Variants in PDGFA observed in about 807,000 individuals in gnomAD.
PDGFA encodes the protein platelet-derived growth factor subunit A.
In PDGFA, 9 loss-of-function variants were observed where a neutral mutation model predicts 25.6. The ratio of observed to expected loss-of-function variants is 0.35; its 90% CI spans 0.21 to 0.61. PDGFA has a LOEUF of 0.61. PDGFA is among the 20% of genes least tolerant of loss of function. The pLI, the probability that PDGFA is intolerant of heterozygous loss-of-function variation, is 0.75. For synonymous variants in PDGFA, 133 were observed against 111.8 expected, an observed-to-expected ratio of 1.19 and a Z score of -1.20; for missense variants, 242 against 272.8, an observed-to-expected ratio of 0.89 and a Z score of 0.79.
rs996484122 is a variant in PDGFA at position 500,249 on chromosome 7, C to A, written c.580+867G>T. Reference sequence around the variant, plus strand: ...AGCGGGAGTGAGCCACGGGCCAGGGCGTTCTGCGAGGCAGGAGCGGACGGG... The same window carrying A: ...AGCGGGAGTGAGCCACGGGCCAGGGAGTTCTGCGAGGCAGGAGCGGACGGG... On this transcript the variant is annotated intron_variant, in intron 5 of 5. Coordinates refer to ENST00000402802, the Ensembl canonical transcript of PDGFA. This position sits in a 1 kb window ranked among gnomAD's most constrained non-coding sequence, Gnocchi z 5.0. Among the ~76,000 whole-genome samples the A allele has an allele frequency of 6.6e-6, 1 of 152,196 alleles. No individual in the cohort carries two copies. Among genetic ancestry groups the A allele is most frequent in the Admixed American group, 6.5e-5 (1 of 15,284 alleles).
Position 500,365 on chromosome 7 carries a change from T to C in PDGFA, c.580+751A>G. ...CGGCGAGACAGGAAGCGTGATTTGC[T>C]GGTGTGATCAGTCAGTTGCACCTCC... On this transcript the variant is annotated intron_variant, in intron 5 of 5. Coordinates refer to ENST00000402802, the Ensembl canonical transcript of PDGFA. This position sits in a 1 kb window ranked among gnomAD's most constrained non-coding sequence, Gnocchi z 5.0. 6.5e-7 allele frequency: 1 copy of C among 1,540,356 alleles called. No homozygotes were observed. The highest frequency in any genetic ancestry group is 1.1e-5 in the South Asian group (1 of 89,436).
At chr7:512,536 A>C in intron 2 of PDGFA, 81 bp from the exon 3 acceptor site, 1 of 1,601,350 alleles carries the variant, frequency 6.2e-7, no homozygotes, top group Non-Finnish European at 8.5e-7. Context: ...CTTCCCACAG[A>C]CCAGCTTTGG....
chr7:498,366 C>T (rs1482560898), exon 6 of PDGFA: 7 of 546,206 alleles, frequency 1.3e-5, no homozygotes, highest in South Asian at 5.5e-5. Context: ...ACTGCTTCAC[C>T]GAGTGCTACA....
At chr7:511,538 G>A (rs983152367) in intron 3 of PDGFA, among the ~76,000 whole-genome samples, 4 of 152,162 alleles carry the variant, frequency 2.6e-5, no homozygotes, top group African/African-American at 9.7e-5. Context: ...CACCTGGGGA[G>A]GGCCTGCTTG....
At chr7:498,554 C>T (rs149577912) in exon 6 of PDGFA, 51,932 of 1,607,684 alleles carry the variant, frequency 0.032, 1,258 homozygotes, top group African/African-American at 0.097. Context: ...GAAAGGGCTG[C>T]GGCTCATCCT....
chr7:519,226 C>A, exon 1 of PDGFA: 1 of 293,540 alleles, frequency 3.4e-6, no homozygotes, highest in Admixed American at 5.4e-5. Context: ...AGTGCGCGCC[C>A]GCAGCGCGGG....
intron 4 of PDGFA, among the ~76,000 whole-genome samples, chr7:505,994 C>T (rs916978283): frequency 6.6e-6 from 1 of 151,898 alleles, no homozygotes; most frequent in Non-Finnish European, 1.5e-5. Flanking sequence ...ACCAATATGG[C>T]GAAACCTCAT....
chr7:504,379 G>C (rs10237394), intron 4 of PDGFA, among the ~76,000 whole-genome samples: 84,845 of 151,906 alleles, frequency 0.56, 23,944 homozygotes, highest in Non-Finnish European at 0.59. Flanking sequence ...CCCCAGCCCT[G>C]CAAGCATGTC....
chr7:509,376 C>T (rs1277723043), intron 4 of PDGFA, among the ~76,000 whole-genome samples: 3 of 152,330 alleles, frequency 2.0e-5, no homozygotes, highest in Admixed American at 2.0e-4. Context: ...ACTGCAGCCT[C>T]AACCTCCCGA....
chr7:514,777 G>A (rs1357891294), intron 2 of PDGFA, among the ~76,000 whole-genome samples: 5 of 152,232 alleles, frequency 3.3e-5, no homozygotes, highest in Admixed American at 1.3e-4. Context: ...CTGCACACAG[G>A]ACAAACAGGC....
chr7:507,077 C>G (rs922902155), intron 4 of PDGFA, among the ~76,000 whole-genome samples: 15 of 152,238 alleles, frequency 9.9e-5, no homozygotes, highest in African/African-American at 3.6e-4. Flanking sequence ...ACAGCCGCCT[C>G]CATCCGCAGC....
exon 6 of PDGFA, chr7:498,422 G>T (rs1782191212): frequency 1.3e-6 from 1 of 760,082 alleles, no homozygotes; most frequent in African/African-American, 1.7e-5. Context: ...CTGTCTCTTT[G>T]TTCTCCCGAG....
chr7:512,940 C>G (rs1050824101), intron 2 of PDGFA: 41 of 241,450 alleles, frequency 1.7e-4, no homozygotes, highest in African/African-American at 8.6e-4. Context: ...CTGCAGGTGC[C>G]TGTACGTCTC....
chr7:519,323 T>G, exon 1 of PDGFA: 5 of 296,624 alleles, frequency 1.7e-5, no homozygotes, highest in Non-Finnish European at 1.9e-5. Context: ...TTCCCGGTGC[T>G]GGCCGCCGCC....
At chr7:505,014 C>T (rs1435099742) in intron 4 of PDGFA, among the ~76,000 whole-genome samples, 1 of 152,242 alleles carries the variant, frequency 6.6e-6, no homozygotes, top group Non-Finnish European at 1.5e-5. Context: ...TTTTATCAAA[C>T]AAAAACAAAC....
At chr7:509,822 A>G (rs149374010) in intron 4 of PDGFA, among the ~76,000 whole-genome samples, 3,438 of 152,208 alleles carry the variant, frequency 0.023, 76 homozygotes, top group Non-Finnish European at 0.031. Context: ...CTCCTAGTGG[A>G]TGGAATTCTG....
exon 6 of PDGFA, chr7:498,261 T>G: frequency 2.2e-6 from 1 of 456,482 alleles, no homozygotes; most frequent in Non-Finnish European, 4.0e-6. Flanking sequence ...CTCATCGAGT[T>G]TAGATATTTT....
intron 3 of PDGFA, among the ~76,000 whole-genome samples, chr7:511,561 C>G (rs538731224): frequency 6.6e-6 from 1 of 152,268 alleles, no homozygotes; most frequent in African/African-American, 2.4e-5. Flanking sequence ...TCAGCTGGGA[C>G]TAGCCAGCCA....
rs777170493 is a variant in PDGFA, at chr7:512,469, G to A, written c.161-14C>T. 1.9e-6 allele frequency: 3 copies of A among 1,613,328 alleles called. No homozygotes were observed. Among genetic ancestry groups the A allele is most frequent in the East Asian group, 2.2e-5 (1 of 44,864 alleles). On this transcript the variant is annotated splice_polypyrimidine_tract_variant and intron_variant, in intron 2 of 5. Transcript: ENST00000402802. ...AATCCTCACTCCCTGCAGGCGGAAG[G>A]AGAACACCGTGAATGCCCCAGGCCC...
Sources: gnomAD v4.1 joint callset for allele counts (sites outside exome capture counted in the v4.1 genomes callset) on GRCh38, gnomAD v4.1.1 for gene constraint, Gnocchi (gnomAD v3.1) non-coding constraint, MANE v1.5 for transcripts, NCBI Gene and HGNC (gene_info 2026-07-23, HGNC 2026-07-21) for gene names.